The following STARD13 variants were observed in gnomAD, a reference collection of about 807,000 sequenced individuals.
STARD13 encodes stAR-related lipid transfer protein 13.
A neutral mutation model predicts 106.4 loss-of-function variants in STARD13; 62 were observed. That is an observed-to-expected ratio of 0.58 (90% CI 0.48 to 0.72). The LOEUF (loss-of-function observed/expected upper bound fraction) is 0.72. Ranked by LOEUF, STARD13 falls within the 30% of genes least tolerant of loss-of-function variation. STARD13 has a pLI of 0.00. For synonymous variants in STARD13, 565 were observed against 553.0 expected, an observed-to-expected ratio of 1.02 and a Z score of -0.31; for missense variants, 1,387 against 1,424.0, an observed-to-expected ratio of 0.97 and a Z score of 0.42.
At chr13:33,488,662 C>T in the STARD13 span, among the ~76,000 whole-genome samples, 8 of 152,136 alleles carry the variant, frequency 5.3e-5, no homozygotes, top group African/African-American at 1.9e-4. Context: ...CCTGATCATA[C>T]AAACACTTTC....
At chr13:33,412,031 T>C in the STARD13 span, among the ~76,000 whole-genome samples, 5 of 152,120 alleles carry the variant, frequency 3.3e-5, no homozygotes. Context: ...TAACCAAAAA[T>C]ATGGGTAAAT....
At chr13:33,634,651 G>T in the STARD13 span, among the ~76,000 whole-genome samples, 2 of 152,128 alleles carry the variant, frequency 1.3e-5, no homozygotes, top group Non-Finnish European at 2.9e-5. Flanking sequence ...TGTTGTACCA[G>T]AACTGAATAG....
At chr13:33,195,811 T>C (rs1037619071) in intron 1 of STARD13, among the ~76,000 whole-genome samples, 3 of 152,180 alleles carry the variant, frequency 2.0e-5, no homozygotes, top group Non-Finnish European at 2.9e-5. Context: ...TGCCAACTTG[T>C]ACAAGTTAAT....
At chr13:33,439,566 A>G in the STARD13 span, 1 of 410,484 alleles carries the variant, frequency 2.4e-6, no homozygotes, top group African/African-American at 2.1e-5. Flanking sequence ...ATCATACTGT[A>G]TCCATCAACT....
chr13:33,646,339 T>C, the STARD13 span, among the ~76,000 whole-genome samples: 30,772 of 152,202 alleles, frequency 0.2, 6,665 homozygotes, highest in African/African-American at 0.53. Flanking sequence ...TTTGTTTGAA[T>C]CTTTCTATCA....
At chr13:33,631,916 C>A in the STARD13 span, among the ~76,000 whole-genome samples, 1 of 152,092 alleles carries the variant, frequency 6.6e-6, no homozygotes, top group Admixed American at 6.5e-5. Flanking sequence ...TAACACACTT[C>A]CACTAAATTT....
the STARD13 span, among the ~76,000 whole-genome samples, chr13:33,564,988 C>CAAAAAAAAA: frequency 2.1e-5 from 1 of 47,252 alleles, no homozygotes; most frequent in Non-Finnish European, 4.3e-5. Flanking sequence ...GACTCTGTCT[C>CAAAAAAAAA]AAAAAAAAAA....
the STARD13 span, among the ~76,000 whole-genome samples, chr13:33,528,288 T>G: frequency 0.011 from 1,258 of 114,886 alleles, 25 homozygotes; most frequent in African/African-American, 0.052. Flanking sequence ...TTTTTTTTTT[T>G]GAGATGCAGT....
At chr13:33,352,374 T>C (rs9537278), upstream of STARD13, among the ~76,000 whole-genome samples, 29,574 of 152,204 alleles carry the variant, frequency 0.19, 3,952 homozygotes, top group East Asian at 0.58. Context: ...AAGGGACCTC[T>C]TGTTGAATCA....
At chr13:33,560,919 A>G in the STARD13 span, among the ~76,000 whole-genome samples, 1 of 151,590 alleles carries the variant, frequency 6.6e-6, no homozygotes, top group South Asian at 2.1e-4. Context: ...TCTGTTGACA[A>G]TAGCCAGCCA....
At chr13:33,588,362 A>G in the STARD13 span, among the ~76,000 whole-genome samples, 1 of 152,216 alleles carries the variant, frequency 6.6e-6, no homozygotes. Context: ...GTTCCAGCCA[A>G]CTTCAGTGCT....
In STARD13 at chr13:33,167,545, A is replaced by G; in HGVS notation, c.241+6T>C. On this transcript the variant is annotated splice_donor_region_variant and intron_variant, in intron 2 of 13. Transcript: ENST00000336934. ...TGTGTAAGAGCGAAGCGAAGGGCTG[A>G]CGTACCCTCATATAACTGAGCGTAT... 6.2e-7 allele frequency: 1 copy of G among 1,613,932 alleles called. No individual in the cohort carries two copies.
At chr13:33,247,028 C>G (rs1889856088) in intron 1 of STARD13, among the ~76,000 whole-genome samples, 2 of 152,016 alleles carry the variant, frequency 1.3e-5, no homozygotes, top group South Asian at 4.1e-4. Context: ...GAAACCCCGT[C>G]TCTAGTAAAA....
chr13:33,392,169 T>A, the STARD13 span, among the ~76,000 whole-genome samples: 2 of 152,186 alleles, frequency 1.3e-5, no homozygotes, highest in Admixed American at 6.5e-5. Flanking sequence ...TAGGGTCCTA[T>A]AATATGCTTT....
chr13:33,569,110 T>A, the STARD13 span, among the ~76,000 whole-genome samples: 3 of 148,028 alleles, frequency 2.0e-5, no homozygotes, highest in Admixed American at 7.0e-5. Flanking sequence ...ATTTAAGTGT[T>A]GAAGTGGGAA....
rs138239089 is a variant in STARD13, at chr13:33,202,402, T to C, written c.170-34780A>G. Among the ~76,000 whole-genome samples, 17 of 152,246 alleles carry C rather than the reference T, an allele frequency of 1.1e-4. No individual in the cohort carries two copies. The East Asian group carries it at 2.3e-3, about 21-fold the overall frequency. ...GGGTTCTGTCCCAGAAGGTGTGTAA[T>C]GACAGGACCCCACAAAGAAGTGGTA... On this transcript the variant is annotated intron_variant, in intron 1 of 13. Transcript: ENST00000336934.
chr13:33,438,618 TA>T, the STARD13 span, among the ~76,000 whole-genome samples: 1 of 152,184 alleles, frequency 6.6e-6, no homozygotes, highest in African/African-American at 2.4e-5. Flanking sequence ...GCACACTCAC[TA>T]AAGACATTTT....
the STARD13 span, chr13:33,654,530 T>C: frequency 6.6e-6 from 1 of 152,326 alleles, no homozygotes; most frequent in Admixed American, 6.5e-5. Flanking sequence ...GAAAATGCTC[T>C]GGAATTTGTT....
chr13:33,319,549 T>A (rs183402288), intron 1 of STARD13, among the ~76,000 whole-genome samples: 3 of 152,358 alleles, frequency 2.0e-5, no homozygotes, highest in East Asian at 3.9e-4. Context: ...TCTAAAAATT[T>A]ATTTTAAAAT....
Sources: allele counts gnomAD v4.1 joint callset (sites outside exome capture counted in the v4.1 genomes callset), GRCh38; gene constraint gnomAD v4.1.1; transcripts MANE v1.5; gene names NCBI Gene and HGNC (gene_info 2026-07-23, HGNC 2026-07-21).